SALL2: variants seen among roughly 807,000 people sequenced by gnomAD.
SALL2 encodes spalt like transcription factor 2.
In SALL2, 32 loss-of-function variants were observed where a neutral mutation model predicts 58.5. That is an observed-to-expected ratio of 0.55 (90% CI 0.41 to 0.74). The LOEUF is 0.74. SALL2 is among the 30% of genes least tolerant of loss of function. The pLI, the probability that SALL2 is intolerant of heterozygous loss-of-function variation, is 0.00. For synonymous variants in SALL2, 516 were observed against 513.6 expected (o/e 1.00, Z -0.06); for missense variants, 1,201 against 1,268.9 (o/e 0.95, Z 0.81).
At chr14:21,536,988 T>C (rs1453784191) in exon 1 of SALL2, 11 of 1,421,844 alleles carry the variant, frequency 7.7e-6, no homozygotes, top group African/African-American at 1.4e-5. Flanking sequence ...TGACCTGGTC[T>C]CGTCTCCCCC....
At chr14:21,531,595 A>G (rs1892461783) in intron 1 of SALL2, among the ~76,000 whole-genome samples, 1 of 150,668 alleles carries the variant, frequency 6.6e-6, no homozygotes, top group African/African-American at 2.5e-5. Flanking sequence ...TTTAGTAGAG[A>G]CGGGGTTTCT....
rs1892043127 is a variant in SALL2 at position 21,521,837 on chromosome 14, A to G, written c.*867T>C. The G allele has an allele frequency of 4.1e-6, 3 of 729,038 alleles. No individual in the cohort carries two copies. In the Admixed American group the frequency reaches 8.9e-5, roughly 22 times the overall value. 45.2% of individuals were successfully genotyped at this position (729,038 alleles called of 1,614,324 possible). On this transcript the variant is annotated 3_prime_UTR_variant, in exon 2 of 2. Coordinates refer to ENST00000537235, the MANE Select transcript of SALL2 (RefSeq NM_001364564.1). ...AAGCTGGAGAGGTCTTGGCACACTG[A>G]CCAGCCAAAACCTTTACCTTAATGT...
In SALL2 at chr14:21,522,329, C is replaced by A; in HGVS notation, c.*375G>T. The A allele has an allele frequency of 6.8e-7, 1 of 1,467,252 alleles. No individual in the cohort carries two copies. The highest frequency in any genetic ancestry group is 2.3e-5 in the Admixed American group (1 of 42,662). The allele number at this position is 1,467,252 out of a possible 1,614,324, so 90.9% of individuals were successfully genotyped here. ...GCACTGGGCCCTCCAGAGACAGCTG[C>A]CAGCCCTTTTTGGCTAGGCTGCAAT... is the stretch of plus-strand genomic sequence containing the variant. On this transcript the variant is annotated 3_prime_UTR_variant, in exon 2 of 2. Coordinates refer to ENST00000537235, the MANE Select transcript of SALL2 (RefSeq NM_001364564.1).
intron 1 of SALL2, among the ~76,000 whole-genome samples, chr14:21,531,962 TC>T (rs1410392075): frequency 2.6e-5 from 4 of 152,054 alleles, no homozygotes; most frequent in Non-Finnish European, 5.9e-5. Context: ...ACTCCTGACC[TC>T]AAGTGATTTG....
chr14:21,523,815 C>T lies in SALL2; in HGVS notation c.1907G>A (p.Arg636Gln), dbSNP rs568766444. ...TAGGGCCCGAGGACAGCTAAGCACT[C>T]GGAGACAGATGACACACTGGTTAGG... The part of the protein sequence containing the change: ...SGPNQCVICL[R>Q]VLSCPRALRL... The change falls in exon 2 of 2, where the codon CGA becomes CAA. Residue 636 changes from arginine (R) to glutamine (Q), a missense_variant. Transcript: ENST00000537235. The surrounding 1 kb of genome is among the most constrained non-coding windows in gnomAD (Gnocchi z 4.4). 17 of 1,614,158 alleles carry T rather than the reference C, an allele frequency of 1.1e-5. No homozygotes were observed. Among genetic ancestry groups the T allele is most frequent in the East Asian group, 8.9e-5 (4 of 44,892 alleles).
chr14:21,524,860 C>T lies in SALL2; in HGVS notation c.862G>A (p.Gly288Arg), dbSNP rs1892216805. The T allele has an allele frequency of 6.2e-7, 1 of 1,613,900 alleles. No individual in the cohort carries two copies. Among genetic ancestry groups the T allele is most frequent in the Non-Finnish European group, 8.5e-7 (1 of 1,179,844 alleles). The change falls in exon 2 of 2, where the codon GGA becomes AGA. Residue 288 changes from glycine to arginine, a missense_variant. By Grantham distance (125) the Gly-to-Arg change is moderately radical (BLOSUM62 -2). Transcript: ENST00000537235. ...PLGSQHPFSA[G>R]GVGRSHKPTP... ...GGTTTGTGGCTTCGCCCAACCCCTC[C>T]AGCAGAGAAAGGATGCTGTGACCCC...
upstream of SALL2, among the ~76,000 whole-genome samples, chr14:21,526,760 A>AG (rs1350031613): frequency 6.6e-6 from 1 of 152,082 alleles, no homozygotes; most frequent in Non-Finnish European, 1.5e-5. Flanking sequence ...CCAGAAGAAG[A>AG]GGGGGAGATC....
At position 21,523,641 on chromosome 14, in the gene SALL2, C is replaced by T; in HGVS notation, c.2081G>A (p.Cys694Tyr). The stretch of plus-strand genomic sequence containing the variant: ...GACAGCATTGGTGAACTTCTTCTGG[C>T]AGATGGGGCAGGAATTCTGTGCCCG... ...AARAQNSCPI[C>Y]QKKFTNAVTL... The change falls in exon 2 of 2, where the codon TGC becomes TAC. Residue 694 changes from cysteine (C) to tyrosine (Y), a missense_variant. Cys to Tyr is a radical substitution (Grantham distance 194). This residue lies in a region of SALL2 where 675 missense variants were observed against 683.8 expected (regional missense o/e 0.99). Coordinates refer to ENST00000537235, the MANE Select transcript of SALL2 (RefSeq NM_001364564.1). This position sits in a 1 kb window ranked among gnomAD's most constrained non-coding sequence, Gnocchi z 4.4. 1 of 1,614,258 alleles carries T rather than the reference C, an allele frequency of 6.2e-7. No homozygotes were observed. The highest frequency in any genetic ancestry group is 8.5e-7 in the Non-Finnish European group (1 of 1,180,044).
At chr14:21,535,707 A>G (rs1892580499) in intron 1 of SALL2, among the ~76,000 whole-genome samples, 1 of 152,250 alleles carries the variant, frequency 6.6e-6, no homozygotes, top group African/African-American at 2.4e-5. Context: ...GTCTGGTTTC[A>G]GAACCCTTGT....
chr14:21,522,818 G>T lies in SALL2; in HGVS notation c.2904C>A (p.Ala968=). The change falls in exon 2 of 2, where the codon GCC becomes GCA. Residue 968 remains alanine, a synonymous_variant. Transcript: ENST00000537235. ...LLAHHQVQPF[A]PHGPQNIAAL... is the part of the protein sequence containing the mutation. ...CAGCAATATTCTGAGGGCCATGGGG[G>T]GCAAAGGGCTGTACCTGGTGGTGTG... 6.2e-7 allele frequency: 1 copy of T among 1,608,658 alleles called. No individual in the cohort carries two copies. The highest frequency in any genetic ancestry group is 8.5e-7 in the Non-Finnish European group (1 of 1,177,778).
At chr14:21,531,388 T>A (rs757260194) in intron 1 of SALL2, among the ~76,000 whole-genome samples, 3 of 152,230 alleles carry the variant, frequency 2.0e-5, no homozygotes, top group Non-Finnish European at 4.4e-5. Flanking sequence ...GAAAATTTCT[T>A]AATCTCTCCC....
At position 21,525,487 on chromosome 14, in the gene SALL2, G is replaced by T. The variant is rs1340093080; in HGVS notation, c.235C>A (p.Pro79Thr). 1 of 1,614,002 alleles carries T rather than the reference G, an allele frequency of 6.2e-7. No homozygotes were observed. The highest frequency in any genetic ancestry group is 2.2e-5 in the East Asian group (1 of 44,866). The change falls in exon 2 of 2, where the codon CCC (proline) becomes ACC (threonine). Residue 79 changes from proline to threonine, a missense_variant. Physicochemically the swap from Pro to Thr is conservative, Grantham distance 38. Around this residue, in one of 3 missense-constraint regions of SALL2, gnomAD observed 467 missense variants for 468.9 expected, o/e 1.00. Transcript: ENST00000537235. This position sits in a 1 kb window ranked among gnomAD's most constrained non-coding sequence, Gnocchi z 4.4. ...GGATTATTGTGACCCTCAGGCCGGG[G>T]TTCAGAGGAGGCCGAAGAGTTGTTG... ...NPNNSSASSE[P>T]RPEGHNNPQV...
chr14:21,522,730 G>A lies in SALL2; in HGVS notation c.2992C>T (p.Arg998Ter), dbSNP rs778190523. ...CATGGGATCGTGGGGTCATCTTTTC[G>A]GGGAAAGGGGGAGAGCCCTGTGGAG... ...ITSTGLSPFP[R>*]KDDPTIP Residue 998 changes from arginine (R) to a stop codon, truncating the protein, a stop_gained, in exon 2 of 2, where the codon CGA (arginine) becomes TGA (stop). Transcript: ENST00000537235. LOFTEE classifies it high-confidence loss of function. 5.1e-5 allele frequency: 78 copies of A among 1,526,818 alleles called. No individual in the cohort carries two copies. Among genetic ancestry groups the A allele is most frequent in the Admixed American group, 1.1e-4 (5 of 45,426 alleles). 94.6% of individuals were successfully genotyped at this position (1,526,818 alleles called of 1,614,324 possible).
In SALL2 at chr14:21,522,542, C is replaced by T; in HGVS notation, c.*162G>A. On this transcript the variant is annotated 3_prime_UTR_variant, in exon 2 of 2. Coordinates refer to ENST00000537235, the MANE Select transcript of SALL2 (RefSeq NM_001364564.1). ...TTAGGGGGCCATCCCCTTGTAAGCA[C>T]AGTAATTTCCAAGCTCAGGGACTAC... 1 of 1,390,384 alleles carries T rather than the reference C, an allele frequency of 7.2e-7. No homozygotes were observed. Among genetic ancestry groups the T allele is most frequent in the Non-Finnish European group, 9.3e-7 (1 of 1,076,104 alleles). 86.1% of individuals were successfully genotyped at this position (1,390,384 alleles called of 1,614,324 possible).
rs1226341883 is a variant in SALL2, at chr14:21,525,371, C to T, written c.351G>A (p.Glu117=). 1.2e-6 allele frequency: 2 copies of T among 1,607,012 alleles called. No homozygotes were observed. The highest frequency in any genetic ancestry group is 2.2e-5 in the South Asian group (2 of 90,470). The change falls in exon 2 of 2, where the codon GAG becomes GAA. Residue 117 remains glutamate, a synonymous_variant. Coordinates refer to ENST00000537235, the MANE Select transcript of SALL2 (RefSeq NM_001364564.1). This position sits in a 1 kb window ranked among gnomAD's most constrained non-coding sequence, Gnocchi z 4.4. ...CGACCAGGAAATGCCCTGAAGACTC[C>T]TCTCCTCTCCTCTCTGGGCCCCAGG... The part of the protein sequence containing the change: ...DPTWGPERRG[E]ESSGHFLVAA...
At position 21,522,537 on chromosome 14, in the gene SALL2, A is replaced by G; in HGVS notation, c.*167T>C. The G allele has an allele frequency of 5.7e-6, 8 of 1,391,672 alleles. No homozygotes were observed. Among genetic ancestry groups the G allele is most frequent in the Non-Finnish European group, 7.4e-6 (8 of 1,077,070 alleles). 86.2% of individuals were successfully genotyped at this position (1,391,672 alleles called of 1,614,324 possible). On this transcript the variant is annotated 3_prime_UTR_variant, in exon 2 of 2. Coordinates refer to ENST00000537235, the MANE Select transcript of SALL2 (RefSeq NM_001364564.1). ...ATTCCTTAGGGGGCCATCCCCTTGTAAGCACAGTAATTTCCAAGCTCAGGG... is the reference window on the plus strand; with the variant it reads ...ATTCCTTAGGGGGCCATCCCCTTGTGAGCACAGTAATTTCCAAGCTCAGGG...
upstream of SALL2, among the ~76,000 whole-genome samples, chr14:21,529,953 T>C (rs1040914269): frequency 1.3e-4 from 20 of 152,330 alleles, no homozygotes; most frequent in African/African-American, 3.6e-4. Context: ...GAGACCCACA[T>C]GGAGGACTGC....
At position 21,524,948 on chromosome 14, in the gene SALL2, G is replaced by C; in HGVS notation, c.774C>G (p.Ser258=). The C allele has an allele frequency of 6.2e-7, 1 of 1,614,138 alleles. No homozygotes were observed. Among genetic ancestry groups the C allele is most frequent in the Non-Finnish European group, 8.5e-7 (1 of 1,179,980 alleles). The change falls in exon 2 of 2, where the codon TCC becomes TCG. Residue 258 remains serine (S), a synonymous_variant. Transcript: ENST00000537235. ...TSKTLASSSS[S]SSSSSGAETP... ...TTTCTGCCCCTGAAGAGGAAGAGGA[G>C]GAGGAGGAGGAAGATGCCAGTGTCT...
intron 1 of SALL2, among the ~76,000 whole-genome samples, chr14:21,533,320 G>A (rs2139683612): frequency 6.6e-6 from 1 of 152,282 alleles, no homozygotes; most frequent in South Asian, 2.1e-4. Context: ...CCTGAGAGAT[G>A]AGGCTCTTTA....
Sources: allele counts gnomAD v4.1 joint callset (sites outside exome capture counted in the v4.1 genomes callset), GRCh38; gene constraint gnomAD v4.1.1; regional missense constraint gnomAD v4.1.1; non-coding constraint Gnocchi (gnomAD v3.1); transcripts MANE v1.5; gene names NCBI Gene and HGNC (gene_info 2026-07-23, HGNC 2026-07-21).